TGFB2: variants seen among roughly 807,000 people sequenced by gnomAD.
TGFB2 encodes the protein transforming growth factor beta-2 proprotein.
Under a neutral mutation model 42.7 loss-of-function variants are expected in TGFB2, and 13 were observed. That is an observed-to-expected ratio of 0.30 (90% CI 0.20 to 0.48). The LOEUF is 0.48. Ranked by LOEUF, TGFB2 falls within the 20% of genes least tolerant of loss-of-function variation. TGFB2 has a pLI of 0.99. For synonymous variants in TGFB2, 193 were observed against 193.6 expected (o/e 1.00, Z 0.03); for missense variants, 390 against 517.5 (o/e 0.75, Z 2.39).
intron 1 of TGFB2, among the ~76,000 whole-genome samples, chr1:218,361,443 T>G (rs186551461): frequency 6.6e-6 from 1 of 152,306 alleles, no homozygotes; most frequent in Non-Finnish European, 1.5e-5. Context: ...CCACACAGAC[T>G]TCCTATGACC....
At chr1:218,399,907 G>A (rs7528501) in intron 1 of TGFB2, among the ~76,000 whole-genome samples, 6,008 of 152,030 alleles carry the variant, frequency 0.04, 401 homozygotes, top group African/African-American at 0.14. Context: ...TAGACCCAGC[G>A]CTCCAACTTT....
chr1:218,385,433 T>C (rs753111249), intron 1 of TGFB2, among the ~76,000 whole-genome samples: 1 of 152,230 alleles, frequency 6.6e-6, no homozygotes, highest in Non-Finnish European at 1.5e-5. Context: ...CACAGAGGTT[T>C]TGGGCCTTCC....
At chr1:218,375,329 A>G (rs1344876904) in intron 1 of TGFB2, among the ~76,000 whole-genome samples, 1 of 152,172 alleles carries the variant, frequency 6.6e-6, no homozygotes, top group East Asian at 1.9e-4. Flanking sequence ...GTAGCAAGAA[A>G]ATATAGGATT....
At chr1:218,420,190 G>A (rs1203524517) in intron 2 of TGFB2, among the ~76,000 whole-genome samples, 1 of 152,152 alleles carries the variant, frequency 6.6e-6, no homozygotes, top group African/African-American at 2.4e-5. Flanking sequence ...GCAGGAAATA[G>A]GTAGGTCATT....
chr1:218,437,401 G>A lies in TGFB2; in HGVS notation c.991G>A (p.Gly331Arg), dbSNP rs746826425. 17 of 1,613,482 alleles carry A rather than the reference G, an allele frequency of 1.1e-5. No homozygotes were observed. The highest frequency in any genetic ancestry group is 1.4e-5 in the Non-Finnish European group (17 of 1,179,822). The part of the protein sequence containing the change: ...PLYIDFKRDL[G>R]WKWIHEPKGY... ...TTACATTGATTTCAAGAGGGATCTA[G>A]GGTGGAAATGGATACACGAACCCAA... Residue 331 changes from glycine to arginine, a missense_variant, in exon 6 of 7, where the codon GGG becomes AGG. Transcript: ENST00000366930.
chr1:218,434,315 C>A, intron 3 of TGFB2, 23 bp from the exon 4 acceptor site: 1 of 1,612,260 alleles, frequency 6.2e-7, no homozygotes, highest in African/African-American at 1.3e-5. Flanking sequence ...TACAAATGAC[C>A]TCCTTGACTT....
At chr1:218,380,591 T>C (rs1448356669) in intron 1 of TGFB2, among the ~76,000 whole-genome samples, 3 of 152,136 alleles carry the variant, frequency 2.0e-5, no homozygotes, top group Non-Finnish European at 2.9e-5. Context: ...AGTATATGTG[T>C]CCGGGTGCCA....
chr1:218,401,825 G>GCCGCGT (rs1421421107), intron 1 of TGFB2, among the ~76,000 whole-genome samples: 1 of 152,252 alleles, frequency 6.6e-6, no homozygotes, highest in Non-Finnish European at 1.5e-5. Flanking sequence ...GCGGGAGCCT[G>GCCGCGT]CCGCGTCCCG....
At chr1:218,389,957 A>C (rs1658267569) in intron 1 of TGFB2, among the ~76,000 whole-genome samples, 2 of 152,326 alleles carry the variant, frequency 1.3e-5, no homozygotes, top group African/African-American at 4.8e-5. Flanking sequence ...GGTAAGCCCC[A>C]TGCAGGCTTT....
At chr1:218,373,155 G>A (rs1430390776) in intron 1 of TGFB2, among the ~76,000 whole-genome samples, 1 of 152,108 alleles carries the variant, frequency 6.6e-6, no homozygotes, top group Non-Finnish European at 1.5e-5. Flanking sequence ...TCCACCCTGG[G>A]CAAAAAGAGC....
intron 1 of TGFB2, among the ~76,000 whole-genome samples, chr1:218,384,335 T>C (rs1223587222): frequency 6.6e-6 from 1 of 152,222 alleles, no homozygotes; most frequent in Non-Finnish European, 1.5e-5. Context: ...TGTGGGATAT[T>C]TGAAAGCCTT....
chr1:218,408,180 C>T (rs61314390), intron 2 of TGFB2, among the ~76,000 whole-genome samples: 2,912 of 152,216 alleles, frequency 0.019, 85 homozygotes, highest in African/African-American at 0.065. Flanking sequence ...TTTTCTGTGG[C>T]CCCTTGACCC....
chr1:218,378,018 C>T (rs1482509427), intron 1 of TGFB2, among the ~76,000 whole-genome samples: 2 of 152,212 alleles, frequency 1.3e-5, no homozygotes, highest in East Asian at 3.9e-4. Flanking sequence ...CTCTGTTTCC[C>T]AGGCTGGAGT....
chr1:218,396,465 AGT>A (rs1658515568), intron 1 of TGFB2, among the ~76,000 whole-genome samples: 1 of 152,046 alleles, frequency 6.6e-6, no homozygotes, highest in African/African-American at 2.4e-5. Context: ...GCGCCTTGTG[AGT>A]ACACAGGTTC....
intron 2 of TGFB2, among the ~76,000 whole-genome samples, chr1:218,416,852 G>A (rs1053853507): frequency 3.9e-5 from 6 of 152,210 alleles, no homozygotes; most frequent in African/African-American, 1.4e-4. Flanking sequence ...CATGAGATCT[G>A]ATGGTTTTAA....
At chr1:218,365,954 G>A (rs1571839293) in intron 1 of TGFB2, among the ~76,000 whole-genome samples, 1 of 152,302 alleles carries the variant, frequency 6.6e-6, no homozygotes. Context: ...TGTTGATAAC[G>A]ACGTGTTCTG....
intron 1 of TGFB2, among the ~76,000 whole-genome samples, chr1:218,395,651 G>A (rs750967112): frequency 4.8e-4 from 69 of 142,740 alleles, no homozygotes; most frequent in Non-Finnish European, 8.4e-4. Flanking sequence ...TCGCTCTGTC[G>A]CCCAGGCTGG....
intron 1 of TGFB2, among the ~76,000 whole-genome samples, chr1:218,395,895 T>C (rs1396775456): frequency 6.6e-6 from 1 of 152,156 alleles, no homozygotes; most frequent in African/African-American, 2.4e-5. Flanking sequence ...ATTACAGGTG[T>C]GAGCCACCGC....
rs372643389 is a variant in TGFB2, at chr1:218,399,296, A to AG, written c.347-5869dup. Among the ~76,000 whole-genome samples, 111 of 152,358 alleles carry AG rather than the reference A, an allele frequency of 7.3e-4. No homozygotes were observed. In the East Asian group the frequency reaches 0.011, roughly 15 times the overall value. On this transcript the variant is annotated intron_variant, in intron 1 of 6. Transcript: ENST00000366930. Reference sequence around the variant, plus strand: ...GATCACAACTGTAGTACGTTTTCAAAGGGGATGGATAACCCATTTACCATG... The same window carrying AG: ...GATCACAACTGTAGTACGTTTTCAAAGGGGGATGGATAACCCATTTACCATG...
Sources: gnomAD v4.1 joint callset for allele counts (sites outside exome capture counted in the v4.1 genomes callset) on GRCh38, gnomAD v4.1.1 for gene constraint, MANE v1.5 for transcripts, NCBI Gene and HGNC (gene_info 2026-07-23, HGNC 2026-07-21) for gene names.